NAGK: variants seen among roughly 807,000 people sequenced by gnomAD.
NAGK encodes N-acetylglucosamine kinase, also known as N-acetyl-D-glucosamine kinase.
A neutral mutation model predicts 42.9 loss-of-function variants in NAGK; 35 were observed. The ratio of observed to expected loss-of-function variants is 0.82; its 90% CI spans 0.62 to 1.08. NAGK has a LOEUF of 1.08. Among genes scored for constraint, NAGK ranks in the 50% least tolerant of loss-of-function variants. The probability of loss-of-function intolerance (pLI) is 0.00; values close to 1 mark genes in which losing one functional copy is unlikely to be tolerated. For synonymous variants in NAGK, 172 were observed against 176.0 expected (o/e 0.98, Z 0.18); for missense variants, 446 against 446.0 (o/e 1.00, Z 0.00).
intron 4 of NAGK, chr2:71,072,374 T>A (rs2103700698): frequency 2.2e-6 from 1 of 451,546 alleles, no homozygotes; most frequent in African/African-American, 2.0e-5. Context: ...GAAGACCGGC[T>A]GGGCAAGGAG....
At chr2:71,072,831 G>T (rs913639582) in intron 5 of NAGK, 80 bp downstream of exon 5, 3 of 1,325,152 alleles carry the variant, frequency 2.3e-6, no homozygotes, top group African/African-American at 2.9e-5. Context: ...CTTAGCCTTG[G>T]CTCACTGAGC....
rs915384081 is a variant in NAGK, at chr2:71,077,551, C to T, written c.766-7C>T. The T allele has an allele frequency of 6.2e-7, 1 of 1,602,492 alleles. No individual in the cohort carries two copies. Among genetic ancestry groups the T allele is most frequent in the Non-Finnish European group, 8.5e-7 (1 of 1,174,526 alleles). The stretch of plus-strand genomic sequence containing the variant: ...GCCCCCATATCCATTTTCTGCTCTC[C>T]ACCCAGGTCTTGTTCCAGGGCAAGA... On this transcript the variant is annotated splice_region_variant and splice_polypyrimidine_tract_variant and intron_variant, in intron 8 of 9. Transcript: ENST00000244204.
rs112601471 is a variant in NAGK at position 71,078,595 on chromosome 2, C to A, written c.*87C>A. 7.1e-5 allele frequency: 97 copies of A among 1,374,532 alleles called. No individual in the cohort carries two copies. The African/African-American group carries it at 1.3e-3, about 18-fold the overall frequency. 85.1% of individuals were successfully genotyped at this position (1,374,532 alleles called of 1,614,324 possible). On this transcript the variant is annotated 3_prime_UTR_variant, in exon 10 of 10. Transcript: ENST00000244204. ...TCTTTTGCTTCCTTTCTCCTTTTTA[C>A]AAAAACAAACATAGAAGAAAATAAA...
chr2:71,070,690 A>G lies in NAGK; in HGVS notation c.115-51A>G, dbSNP rs371333715. The G allele has an allele frequency of 2.0e-5, 33 of 1,611,900 alleles. No homozygotes were observed. In the African/African-American group the frequency reaches 3.5e-4, roughly 17 times the overall value. On this transcript the variant is annotated intron_variant, in intron 2 of 9. Coordinates refer to ENST00000244204, the MANE Select transcript of NAGK (RefSeq NM_017567.6). ...ACTCACAGAGCAGCCTGTGGGGGCA[A>G]CATAGCTTCTGTAAGCCTTTGTAAC... is the stretch of plus-strand genomic sequence containing the variant.
Position 71,078,585 on chromosome 2 carries a change from C to T in NAGK, c.*77C>T. 7.1e-7 allele frequency: 1 copy of T among 1,412,100 alleles called. No individual in the cohort carries two copies. Among genetic ancestry groups the T allele is most frequent in the Non-Finnish European group, 9.4e-7 (1 of 1,064,228 alleles). 87.5% of individuals were successfully genotyped at this position (1,412,100 alleles called of 1,614,324 possible). A position where few individuals can be genotyped will look rare whatever the true frequency, so the allele number is the denominator to read the frequency against. ...AAGGAAGGAGTCTTTTGCTTCCTTT[C>T]TCCTTTTTACAAAAACAAACATAGA... is the stretch of plus-strand genomic sequence containing the variant. On this transcript the variant is annotated 3_prime_UTR_variant, in exon 10 of 10. Coordinates refer to ENST00000244204, the MANE Select transcript of NAGK (RefSeq NM_017567.6).
Position 71,070,742 on chromosome 2 carries a change from T to C in NAGK, c.116T>C (p.Leu39Pro), listed in dbSNP as rs1432756757. 6.2e-7 allele frequency: 1 copy of C among 1,614,092 alleles called. No homozygotes were observed. The change falls in exon 3 of 10, where the codon CTG becomes CCG. Residue 39 changes from leucine (L) to proline (P), a missense_variant and splice_region_variant. Leu to Pro is a moderately conservative substitution (Grantham distance 98, BLOSUM62 -3). Transcript: ENST00000244204. ...EADGLSTNHW[L>P]IGTDKCVERI... ...CCTTCTTCCCTTGATTGGGGCCAGC[T>C]GATCGGGACAGACAAGTGTGTGGAG...
At chr2:71,075,138 T>C (rs1244921186) in intron 6 of NAGK, 1 of 159,666 alleles carries the variant, frequency 6.3e-6, no homozygotes, top group Admixed American at 6.1e-5. Flanking sequence ...CAATATTCCT[T>C]GGATTCCTTT....
chr2:71,077,278 G>A (rs896135410), intron 8 of NAGK, among the ~76,000 whole-genome samples: 5 of 152,168 alleles, frequency 3.3e-5, no homozygotes, highest in African/African-American at 1.2e-4. Context: ...CTTTCTTTCA[G>A]TTAATTTCAG....
intron 6 of NAGK, chr2:71,074,493 C>T (rs1672139911): frequency 6.6e-6 from 1 of 152,374 alleles, no homozygotes; most frequent in South Asian, 2.1e-4. Flanking sequence ...TCTACTGCTC[C>T]CTCTTCTATC....
intron 6 of NAGK, chr2:71,075,331 C>A (rs1672167691): frequency 2.0e-6 from 1 of 493,718 alleles, no homozygotes; most frequent in Admixed American, 3.3e-5. Context: ...CAAATCTGTT[C>A]TCTGTGCTGC....
chr2:71,073,826 G>T (rs1192363659), intron 6 of NAGK, among the ~76,000 whole-genome samples: 1 of 152,154 alleles, frequency 6.6e-6, no homozygotes, highest in Admixed American at 6.5e-5. Flanking sequence ...GCGATGGTTT[G>T]GGGACAGGTG....
Position 71,072,718 on chromosome 2 carries a change from G to T in NAGK, c.433G>T (p.Gly145Cys). 1 of 1,614,010 alleles carries T rather than the reference G, an allele frequency of 6.2e-7. No homozygotes were observed. The highest frequency in any genetic ancestry group is 8.5e-7 in the Non-Finnish European group (1 of 1,179,958). ...TGATGGCTCCGAGAGTGGCTGCGGC[G>T]GCTGGGGCCATATGATGGGTGATGA... ...NPDGSESGCG[G>C]WGHMMGDEGS... The change falls in exon 5 of 10, where the codon GGC becomes TGC. Residue 145 changes from glycine (G) to cysteine (C), a missense_variant. Transcript: ENST00000244204.
Position 71,075,752 on chromosome 2 carries a change from T to G in NAGK, c.667+110T>G, listed in dbSNP as rs879061422. 1.6e-5 allele frequency: 17 copies of G among 1,079,858 alleles called. No homozygotes were observed. In the South Asian group the frequency reaches 2.2e-4, roughly 14 times the overall value. 66.9% of individuals were successfully genotyped at this position (1,079,858 alleles called of 1,614,324 possible). On this transcript the variant is annotated intron_variant, in intron 7 of 9. Transcript: ENST00000244204. The stretch of plus-strand genomic sequence containing the variant: ...TGACAACAATTTTCCTCTCACCAAG[T>G]GACCTCAGTTCTCTGCCACCACTGG...
chr2:71,068,502 G>T (rs1298275656), upstream of NAGK: 1 of 1,430,112 alleles, frequency 7.0e-7, no homozygotes, highest in Non-Finnish European at 9.1e-7. Flanking sequence ...GACAGCCTGA[G>T]GGACGCAGCC....
intron 3 of NAGK, 84 bp from the exon 4 acceptor site, chr2:71,071,602 A>G: frequency 6.7e-7 from 1 of 1,491,070 alleles, no homozygotes; most frequent in Non-Finnish European, 9.0e-7. Flanking sequence ...GGAGAACAGG[A>G]ATCAGGCATC....
intron 1 of NAGK, chr2:71,069,329 C>T (rs1195343195): frequency 6.4e-6 from 1 of 155,332 alleles, no homozygotes; most frequent in African/African-American, 2.4e-5. Flanking sequence ...CCTCCCTGGG[C>T]TACAGTTACC....
upstream of NAGK, chr2:71,068,331 A>T (rs1446133085): frequency 1.8e-6 from 1 of 548,360 alleles, no homozygotes; most frequent in East Asian, 3.6e-5. Context: ...GTTTACAGGC[A>T]GGCAGGTCAG....
chr2:71,068,792 T>C, intron 1 of NAGK, 80 bp downstream of exon 1: 1 of 1,424,996 alleles, frequency 7.0e-7, no homozygotes. Context: ...CTGGTGGCCT[T>C]GATCCTCGGC....
intron 7 of NAGK, 187 bp from the exon 8 acceptor site, chr2:71,076,417 G>A: frequency 1.8e-6 from 1 of 551,114 alleles, no homozygotes; most frequent in Non-Finnish European, 3.3e-6. Flanking sequence ...TACAGAGGGA[G>A]GTAGCTGGTA....
Sources: allele counts gnomAD v4.1 joint callset (sites outside exome capture counted in the v4.1 genomes callset), GRCh38; gene constraint gnomAD v4.1.1; transcripts MANE v1.5; gene names NCBI Gene and HGNC (gene_info 2026-07-23, HGNC 2026-07-21).